USP15: variants seen among roughly 807,000 people sequenced by gnomAD.
USP15 encodes ubiquitin specific peptidase 15, also known as ubiquitin carboxyl-terminal hydrolase 15.
USP15 carries 18 observed loss-of-function variants against 127.1 expected under a neutral mutation model. The observed-to-expected ratio is 0.14, with a 90% CI of 0.10 to 0.21. USP15 has a LOEUF of 0.21. Ranked by LOEUF, USP15 falls within the 10% of genes least tolerant of loss-of-function variation. USP15 has a pLI of 1.00. For missense variants in USP15, 805 were observed against 1,159.9 expected (o/e 0.69, Z 4.44); for synonymous variants, 364 against 393.7 (o/e 0.92, Z 0.89).
chr12:62,300,793 CTT>C (rs2064292080), intron 2 of USP15, among the ~76,000 whole-genome samples: 1 of 152,084 alleles, frequency 6.6e-6, no homozygotes, highest in Non-Finnish European at 1.5e-5. Context: ...AAAACTAAAA[CTT>C]TTAGGAAAAA....
At chr12:62,309,347 CAG>C (rs2064587771) in intron 3 of USP15, among the ~76,000 whole-genome samples, 1 of 151,906 alleles carries the variant, frequency 6.6e-6, no homozygotes, top group African/African-American at 2.4e-5. Flanking sequence ...TCTAGACAAA[CAG>C]AACTTTAAAA....
intron 18 of USP15, among the ~76,000 whole-genome samples, chr12:62,392,818 C>T (rs548017680): frequency 6.6e-6 from 1 of 152,050 alleles, no homozygotes; most frequent in Non-Finnish European, 1.5e-5. Flanking sequence ...ATAATCTAGC[C>T]CTCATTATGT....
Position 62,384,288 on chromosome 12 carries a change from A to G in USP15, c.1459A>G (p.Thr487Ala). ...EVYLVRMDPL[T>A]KPMQYKVVVP... Reference sequence around the variant, plus strand: ...TTACTTAGTTAGAATGGATCCACTTACCAAACCTATGCAGGTAAATCATGG... The same window carrying G: ...TTACTTAGTTAGAATGGATCCACTTGCCAAACCTATGCAGGTAAATCATGG... The change falls in exon 11 of 22, where the codon ACC becomes GCC. Residue 487 changes from threonine to alanine, a missense_variant. By Grantham distance (58) the Thr-to-Ala change is moderately conservative. This residue lies in a region of USP15 where 82 missense variants were observed against 104.4 expected (regional missense o/e 0.79). Transcript: ENST00000280377. The G allele has an allele frequency of 6.2e-7, 1 of 1,604,992 alleles. No homozygotes were observed. Among genetic ancestry groups the G allele is most frequent in the Non-Finnish European group, 8.5e-7 (1 of 1,176,624 alleles).
chr12:62,280,371 A>G (rs1162010671), intron 1 of USP15, among the ~76,000 whole-genome samples: 1 of 152,186 alleles, frequency 6.6e-6, no homozygotes, highest in African/African-American at 2.4e-5. Flanking sequence ...TAGCCCCTTC[A>G]GGCTGCTATA....
At chr12:62,364,134 A>G (rs768760709) in intron 8 of USP15, among the ~76,000 whole-genome samples, 1 of 152,202 alleles carries the variant, frequency 6.6e-6, no homozygotes, top group Non-Finnish European at 1.5e-5. Flanking sequence ...GAGGGTATCT[A>G]TGAAAAAGAC....
At chr12:62,376,480 A>C (rs2066832019) in intron 8 of USP15, among the ~76,000 whole-genome samples, 1 of 152,128 alleles carries the variant, frequency 6.6e-6, no homozygotes. Context: ...ATTAGTGATA[A>C]ATTTTAAGAT....
chr12:62,304,194 T>A (rs1277380390), intron 3 of USP15, among the ~76,000 whole-genome samples: 1 of 152,136 alleles, frequency 6.6e-6, no homozygotes, highest in Non-Finnish European at 1.5e-5. Flanking sequence ...TAGTCCTCAT[T>A]GAGAGTTCTT....
chr12:62,402,554 A>C (rs1161865883), intron 21 of USP15, among the ~76,000 whole-genome samples: 2 of 152,062 alleles, frequency 1.3e-5, no homozygotes, highest in Non-Finnish European at 2.9e-5. Context: ...AGGTGTTCTA[A>C]GCAAAGAAAA....
At chr12:62,369,440 A>G (rs988798258) in intron 8 of USP15, among the ~76,000 whole-genome samples, 1 of 150,908 alleles carries the variant, frequency 6.6e-6, no homozygotes, top group Non-Finnish European at 1.5e-5. Flanking sequence ...ATAAAAACAT[A>G]TTGGAATCCT....
intron 6 of USP15, chr12:62,335,673 A>G: frequency 1.0e-6 from 1 of 986,464 alleles, no homozygotes; most frequent in East Asian, 1.1e-4. Context: ...CTTTAAAACC[A>G]AAAACCATAT....
At chr12:62,325,066 A>T (rs1220796049) in intron 5 of USP15, among the ~76,000 whole-genome samples, 1 of 151,990 alleles carries the variant, frequency 6.6e-6, no homozygotes, top group Non-Finnish European at 1.5e-5. Flanking sequence ...GTATTATCGT[A>T]TATTTCCTTT....
At chr12:62,385,057 AT>A (rs1212477886) in intron 11 of USP15, among the ~76,000 whole-genome samples, 1 of 151,886 alleles carries the variant, frequency 6.6e-6, no homozygotes, top group Non-Finnish European at 1.5e-5. Context: ...CACTTAACTA[AT>A]TTTGTTATAA....
chr12:62,397,727 C>T (rs892595314), intron 20 of USP15, among the ~76,000 whole-genome samples: 2 of 150,832 alleles, frequency 1.3e-5, no homozygotes, highest in African/African-American at 4.9e-5. Flanking sequence ...TGTGGTGGCA[C>T]GTGCCTGTAA....
rs1592612539 is a variant in USP15 at position 62,335,287 on chromosome 12, T to C, written c.683+9354T>C. On this transcript the variant is annotated intron_variant, in intron 6 of 21. Coordinates refer to ENST00000280377, the MANE Select transcript of USP15 (RefSeq NM_001252078.2). ...CAGTCAACCCCTAAATAACCTGATA[T>C]TAACTCCACAAATGTTAGCTAGATT... 5.3e-6 allele frequency: 8 copies of C among 1,497,064 alleles called. No homozygotes were observed. In the Admixed American group the frequency reaches 7.4e-5, roughly 14 times the overall value. 92.7% of individuals were successfully genotyped at this position (1,497,064 alleles called of 1,614,324 possible).
intron 11 of USP15, among the ~76,000 whole-genome samples, chr12:62,386,887 A>C (rs935392102): frequency 6.6e-6 from 1 of 152,190 alleles, no homozygotes; most frequent in African/African-American, 2.4e-5. Flanking sequence ...GACAAATGAC[A>C]AACACTTCAA....
chr12:62,351,392 T>C (rs1401155164), intron 7 of USP15, among the ~76,000 whole-genome samples: 1 of 150,966 alleles, frequency 6.6e-6, no homozygotes, highest in East Asian at 1.9e-4. Context: ...AGATAAAATA[T>C]TACTTATGAT....
At chr12:62,340,830 G>A (rs1376896749) in intron 6 of USP15, among the ~76,000 whole-genome samples, 1 of 149,824 alleles carries the variant, frequency 6.7e-6, no homozygotes, top group African/African-American at 2.5e-5. Context: ...GCCATGCGGT[G>A]CTGAGAAGAA....
rs555904558 is a variant in USP15, at chr12:62,264,020, G to A, written c.89+3517G>A. 6.6e-5 allele frequency among the ~76,000 whole-genome samples: 10 copies of A among 152,236 alleles called. No individual in the cohort carries two copies. The South Asian group carries it at 1.5e-3, about 22-fold the overall frequency. Reference sequence around the variant, plus strand: ...AAAAAAGTTTTTGAAACAGAGTCTCGCTGTGTCGCCCAGGCTAGAGTACAG... The same window carrying A: ...AAAAAAGTTTTTGAAACAGAGTCTCACTGTGTCGCCCAGGCTAGAGTACAG... On this transcript the variant is annotated intron_variant, in intron 1 of 21. Coordinates refer to ENST00000280377, the MANE Select transcript of USP15 (RefSeq NM_001252078.2).
rs1195693258 is a variant in USP15 at position 62,409,749 on chromosome 12, CATT to C, written c.*5378_*5380del. 1.3e-5 allele frequency: 2 copies of C among 152,094 alleles called. No homozygotes were observed. The highest frequency in any genetic ancestry group is 2.9e-5 in the Non-Finnish European group (2 of 67,996). 9.4% of individuals were successfully genotyped at this position (152,094 alleles called of 1,614,324 possible). ...GTCTTTCCCACAATGTGTATTATTA[CATT>C]ATTCTCAGTAATGACACATACTTAA... On this transcript the variant is annotated 3_prime_UTR_variant, in exon 22 of 22. Coordinates refer to ENST00000280377, the MANE Select transcript of USP15 (RefSeq NM_001252078.2).
Sources: allele counts gnomAD v4.1 joint callset (sites outside exome capture counted in the v4.1 genomes callset), GRCh38; gene constraint gnomAD v4.1.1; regional missense constraint gnomAD v4.1.1; transcripts MANE v1.5; gene names NCBI Gene and HGNC (gene_info 2026-07-23, HGNC 2026-07-21).